EIF3A: variants seen among roughly 807,000 people sequenced by gnomAD.
EIF3A encodes the protein eukaryotic translation initiation factor 3 subunit A.
EIF3A carries 21 observed loss-of-function variants against 186.6 expected under a neutral mutation model. That is an observed-to-expected ratio of 0.11 (90% CI 0.08 to 0.16). The LOEUF (loss-of-function observed/expected upper bound fraction) is 0.16. Ranked by LOEUF, EIF3A falls within the 10% of genes least tolerant of loss-of-function variation. The pLI, the probability that EIF3A is intolerant of heterozygous loss-of-function variation, is 1.00. For synonymous variants in EIF3A, 563 were observed against 584.3 expected (o/e 0.96, Z 0.52); for missense variants, 1,306 against 1,796.3 (o/e 0.73, Z 4.93).
intron 6 of EIF3A, among the ~76,000 whole-genome samples, chr10:119,065,803 G>C (rs1564758340): frequency 6.6e-6 from 1 of 152,184 alleles, no homozygotes; most frequent in Non-Finnish European, 1.5e-5. Context: ...AGTACTGTCA[G>C]TGTTTTCTAG....
intron 1 of EIF3A, among the ~76,000 whole-genome samples, chr10:119,076,931 C>G (rs1368313922): frequency 1.3e-5 from 1 of 78,166 alleles, no homozygotes; most frequent in East Asian, 3.6e-4. Context: ...GGGAGAGACT[C>G]TGTCTCAAAA....
chr10:119,068,191 C>T (rs965341208), intron 6 of EIF3A, among the ~76,000 whole-genome samples: 1 of 152,082 alleles, frequency 6.6e-6, no homozygotes, highest in Non-Finnish European at 1.5e-5. Flanking sequence ...ACTATGCCTT[C>T]GGGGCTCATT....
intron 14 of EIF3A, among the ~76,000 whole-genome samples, chr10:119,052,251 G>T (rs1440532449): frequency 6.6e-6 from 1 of 152,118 alleles, no homozygotes; most frequent in Non-Finnish European, 1.5e-5. Context: ...TTCACCAGGA[G>T]ATTTCAAGAA....
rs1848102617 is a variant in EIF3A, at chr10:119,034,628, C to T, written c.*1411G>A. The T allele has an allele frequency of 6.6e-6, 1 of 152,154 alleles. No homozygotes were observed. Among genetic ancestry groups the T allele is most frequent in the African/African-American group, 2.4e-5 (1 of 41,432 alleles). 9.4% of individuals were successfully genotyped at this position (152,154 alleles called of 1,614,324 possible). A position where few individuals can be genotyped will look rare whatever the true frequency, so the allele number is the denominator to read the frequency against. ...TGCATCTGGTTAAGTTAAAAAGCAT[C>T]AATACTCCCTCTTCTGGCCCTACAG... On this transcript the variant is annotated 3_prime_UTR_variant, in exon 22 of 22. Coordinates refer to ENST00000369144, the MANE Select transcript of EIF3A (RefSeq NM_003750.4).
chr10:119,057,185 T>C (rs1263972629), intron 12 of EIF3A, 145 bp from the exon 13 acceptor site: 1 of 599,810 alleles, frequency 1.7e-6, no homozygotes, highest in Non-Finnish European at 2.9e-6. Flanking sequence ...TATTATACAA[T>C]AGCCTTATTT....
rs1429625540 is a variant in EIF3A at position 119,060,803 on chromosome 10, T to C, written c.1269A>G (p.Glu423=). The change falls in exon 9 of 22, where the codon GAA becomes GAG. Residue 423 remains glutamate, a synonymous_variant. Transcript: ENST00000369144. ...WVREQPEKEP[E]LQQYVPQLQN... ...GCAGTTGTGGCACATACTGCTGCAA[T>C]TCCGGTTCCTTTTCAGGTTGTTCCC... 2 of 1,612,524 alleles carry C rather than the reference T, an allele frequency of 1.2e-6. No individual in the cohort carries two copies. Among genetic ancestry groups the C allele is most frequent in the East Asian group, 2.2e-5 (1 of 44,764 alleles).
chr10:119,079,250 A>G (rs1447279403), intron 1 of EIF3A, among the ~76,000 whole-genome samples: 5 of 152,196 alleles, frequency 3.3e-5, no homozygotes, highest in Non-Finnish European at 7.3e-5. Context: ...TAGGTTTTTA[A>G]AACAATTACT....
At chr10:119,047,178 GA>G (rs1384711271) in intron 17 of EIF3A, among the ~76,000 whole-genome samples, 4 of 152,180 alleles carry the variant, frequency 2.6e-5, no homozygotes, top group Non-Finnish European at 5.9e-5. Context: ...TGAGGCAGGA[GA>G]ATTGCTTGAA....
Position 119,047,730 on chromosome 10 carries a change from A to C in EIF3A, c.2658+2071T>G, listed in dbSNP as rs147114144. On this transcript the variant is annotated intron_variant, in intron 17 of 21. Transcript: ENST00000369144. The stretch of plus-strand genomic sequence containing the variant: ...GGAAAATGTATTCTTAAATTCCAAA[A>C]ACTTGTAAATCATACAGACCACATT... 5.4e-3 allele frequency among the ~76,000 whole-genome samples: 824 copies of C among 152,320 alleles called. 8 individuals carry two copies. The highest frequency in any genetic ancestry group is 0.019 in the African/African-American group (770 of 41,574).
chr10:119,051,060 C>T lies in EIF3A; in HGVS notation c.2319+139G>A, dbSNP rs145686196. On this transcript the variant is annotated intron_variant, in intron 15 of 21. Transcript: ENST00000369144. ...GATGATTGTTTTGCTTATGAAATAT[C>T]ATCCAAAAATTTCTATTATTTGAAT... The T allele has an allele frequency of 7.4e-4, 537 of 721,652 alleles. 8 individuals are homozygous for T. In the East Asian group the frequency reaches 0.015, roughly 20 times the overall value. 44.7% of individuals were successfully genotyped at this position (721,652 alleles called of 1,614,324 possible). A position where few individuals can be genotyped will look rare whatever the true frequency, so the allele number is the denominator to read the frequency against.
intron 9 of EIF3A, 53 bp downstream of exon 9, chr10:119,060,693 T>A: frequency 7.1e-7 from 1 of 1,406,798 alleles, no homozygotes; most frequent in Non-Finnish European, 9.7e-7. Context: ...CAGTTTTTAG[T>A]TTCATGATGA....
chr10:119,040,502 TTCAG>T (rs1848193230), intron 19 of EIF3A, among the ~76,000 whole-genome samples: 1 of 152,160 alleles, frequency 6.6e-6, no homozygotes, highest in African/African-American at 2.4e-5. Flanking sequence ...GTGTTAGACA[TTCAG>T]TAAGACTACC....
intron 6 of EIF3A, among the ~76,000 whole-genome samples, chr10:119,067,153 T>G (rs1163819515): frequency 1.3e-5 from 2 of 151,074 alleles, no homozygotes; most frequent in African/African-American, 2.4e-5. Flanking sequence ...GAGGCAGAGG[T>G]TGCAGCGAGC....
chr10:119,069,122 C>A (rs764132184), intron 6 of EIF3A, among the ~76,000 whole-genome samples: 2 of 152,142 alleles, frequency 1.3e-5, no homozygotes, highest in African/African-American at 4.8e-5. Context: ...GGGCTTTTAG[C>A]GGAGTTACTT....
Position 119,049,816 on chromosome 10 carries a change from A to G in EIF3A, c.2643T>C (p.Ser881=). The change falls in exon 17 of 22, where the codon AGT becomes AGC. Residue 881 remains serine (S), a synonymous_variant. Transcript: ENST00000369144. ...CTATACTCACCTTTCTAGAAAGGGAACTATCGCCAAGTCTTCTCTCTTCCT... is the reference window on the plus strand; with the variant it reads ...CTATACTCACCTTTCTAGAAAGGGAGCTATCGCCAAGTCTTCTCTCTTCCT... The part of the protein sequence containing the change: ...RREEERRLGD[S]SLSRKDSRWG... The G allele has an allele frequency of 6.2e-7, 1 of 1,613,814 alleles. No homozygotes were observed. Among genetic ancestry groups the G allele is most frequent in the Non-Finnish European group, 8.5e-7 (1 of 1,179,820 alleles).
chr10:119,049,977 C>T lies in EIF3A; in HGVS notation c.2482G>A (p.Glu828Lys), dbSNP rs775483372. Reference sequence around the variant, plus strand: ...TTTGCTCGTTCGGCGCGCTCTCTCTCTTCCCGCTCTAGACCATTGATTAGG... The same window carrying T: ...TTTGCTCGTTCGGCGCGCTCTCTCTTTTCCCGCTCTAGACCATTGATTAGG... ...AEEQMLKERE[E>K]RERAERAKRE... is the part of the protein sequence containing the mutation. The change falls in exon 17 of 22, where the codon GAG becomes AAG. Residue 828 changes from glutamate to lysine, a missense_variant. Coordinates refer to ENST00000369144, the MANE Select transcript of EIF3A (RefSeq NM_003750.4). 20 of 1,613,940 alleles carry T rather than the reference C, an allele frequency of 1.2e-5. No homozygotes were observed. The Middle Eastern group carries it at 1.5e-3, about 119-fold the overall frequency.
intron 1 of EIF3A, among the ~76,000 whole-genome samples, chr10:119,074,991 T>TC (rs1364297151): frequency 8.2e-5 from 12 of 146,450 alleles, no homozygotes; most frequent in Non-Finnish European, 1.8e-4. Flanking sequence ...TTTCTTTTTT[T>TC]TTTTTTTTGA....
rs767303828 is a variant in EIF3A at position 119,038,455 on chromosome 10, A to G, written c.3527-16T>C. On this transcript the variant is annotated splice_polypyrimidine_tract_variant and intron_variant, in intron 19 of 21. Coordinates refer to ENST00000369144, the MANE Select transcript of EIF3A (RefSeq NM_003750.4). ...CTCCATCCACCTGTTTTTTTGAAAA[A>G]GCAAAACATTTTTAAAATATTTTTA... is the stretch of plus-strand genomic sequence containing the variant. The G allele has an allele frequency of 3.8e-6, 6 of 1,581,356 alleles. No homozygotes were observed. In the African/African-American group the frequency reaches 8.2e-5, roughly 22 times the overall value.
chr10:119,050,481 C>T (rs1461835687), intron 16 of EIF3A, 40 bp downstream of exon 16: 6 of 1,589,260 alleles, frequency 3.8e-6, no homozygotes, highest in Non-Finnish European at 5.2e-6. Flanking sequence ...TAACACCAAC[C>T]TTGCATTAGC....
Sources: allele counts gnomAD v4.1 joint callset (sites outside exome capture counted in the v4.1 genomes callset), GRCh38; gene constraint gnomAD v4.1.1; transcripts MANE v1.5; gene names NCBI Gene and HGNC (gene_info 2026-07-23, HGNC 2026-07-21).